The following STAG1 variants were observed in gnomAD, a reference collection of about 807,000 sequenced individuals.
STAG1 encodes the protein cohesin subunit SA-1.
Under a neutral mutation model 170.9 loss-of-function variants are expected in STAG1, and 26 were observed. The observed-to-expected ratio is 0.15, with a 90% CI of 0.11 to 0.21. The LOEUF is 0.21. Among genes scored for constraint, STAG1 ranks in the 10% least tolerant of loss-of-function variants. STAG1 has a pLI of 1.00. For synonymous variants in STAG1, 514 were observed against 497.7 expected (o/e 1.03, Z -0.44); for missense variants, 964 against 1,509.5 (o/e 0.64, Z 5.99).
intron 4 of STAG1, among the ~76,000 whole-genome samples, chr3:136,579,121 C>CTATA: frequency 6.6e-6 from 1 of 152,286 alleles, no homozygotes; most frequent in South Asian, 2.1e-4. Context: ...TGACTATGGA[C>CTATA]TATAATAAAC....
At chr3:136,423,140 A>T (rs960574140) in intron 16 of STAG1, 96 bp from the exon 17 acceptor site, 6 of 743,836 alleles carry the variant, frequency 8.1e-6, no homozygotes, top group Non-Finnish European at 1.2e-5. Context: ...TAATATAACC[A>T]CAAATTTTAA....
chr3:136,617,761 G>A (rs778460082), intron 3 of STAG1, among the ~76,000 whole-genome samples: 2 of 152,030 alleles, frequency 1.3e-5, no homozygotes, highest in African/African-American at 4.8e-5. Context: ...CTATCACAAC[G>A]CTGGGTCAAA....
At chr3:136,643,147 G>A (rs1940867243) in intron 1 of STAG1, among the ~76,000 whole-genome samples, 2 of 152,122 alleles carry the variant, frequency 1.3e-5, no homozygotes, top group Non-Finnish European at 2.9e-5. Context: ...TCTATTTGGG[G>A]GACACAAATC....
Position 136,486,999 on chromosome 3 carries a change from C to CAAAAAAAAA in STAG1, c.903-9596_903-9588dup, listed in dbSNP as rs536392595. On this transcript the variant is annotated intron_variant, in intron 9 of 33. Coordinates refer to ENST00000383202, the MANE Select transcript of STAG1 (RefSeq NM_005862.3). ...CAATGCCGATTTTTTTTTATTTCTT[C>CAAAAAAAAA]AAAAAAAAAAAAAAAAAAAAAAAAA... is the stretch of plus-strand genomic sequence containing the variant. 1.3e-4 allele frequency among the ~76,000 whole-genome samples: 7 copies of CAAAAAAAAA among 54,662 alleles called. 1 individual carries two copies. The highest frequency in any genetic ancestry group is 5.5e-4 in the African/African-American group (6 of 10,888). 35.9% of individuals were successfully genotyped at this position (54,662 alleles called of 152,430 possible).
At chr3:136,466,951 G>C (rs1180506840) in intron 12 of STAG1, among the ~76,000 whole-genome samples, 1 of 152,124 alleles carries the variant, frequency 6.6e-6, no homozygotes, top group Non-Finnish European at 1.5e-5. Flanking sequence ...ACAAACAAAT[G>C]CTAAGAGATT....
intron 4 of STAG1, among the ~76,000 whole-genome samples, chr3:136,580,957 C>T (rs1393809861): frequency 6.6e-6 from 1 of 151,656 alleles, no homozygotes; most frequent in Non-Finnish European, 1.5e-5. Context: ...TTGTGCTTTT[C>T]TTTTTTTTCA....
intron 15 of STAG1, among the ~76,000 whole-genome samples, chr3:136,436,283 T>A (rs2107751148): frequency 6.6e-6 from 1 of 151,360 alleles, no homozygotes; most frequent in Non-Finnish European, 1.5e-5. Context: ...TAAACTCAGA[T>A]ATTTTTGGTT....
chr3:136,396,520 C>CTTT lies in STAG1; in HGVS notation c.2277+2226_2277+2228dup, dbSNP rs146270857. ...ACAGGCGTGAGCCACCGCGCCTGGCCTTTTTTTTTTTTTTTTTTTTTTTTT... is the reference window on the plus strand; with the variant it reads ...ACAGGCGTGAGCCACCGCGCCTGGCCTTTTTTTTTTTTTTTTTTTTTTTTTTTT... On this transcript the variant is annotated intron_variant, in intron 22 of 33. Coordinates refer to ENST00000383202, the MANE Select transcript of STAG1 (RefSeq NM_005862.3). Among the ~76,000 whole-genome samples the CTTT allele has an allele frequency of 4.1e-3, 181 of 43,656 alleles. 37 individuals carry two copies. The highest frequency in any genetic ancestry group is 0.012 in the African/African-American group (104 of 8,642). 28.6% of individuals were successfully genotyped at this position (43,656 alleles called of 152,430 possible).
chr3:136,693,308 G>A (rs577711384), intron 1 of STAG1, among the ~76,000 whole-genome samples: 118 of 152,258 alleles, frequency 7.7e-4, no homozygotes, highest in Non-Finnish European at 9.3e-4. Flanking sequence ...TGGGGCTGAG[G>A]ACCAATATGG....
intron 21 of STAG1, among the ~76,000 whole-genome samples, chr3:136,412,892 T>G (rs1249270568): frequency 6.6e-6 from 1 of 151,248 alleles, no homozygotes; most frequent in East Asian, 1.9e-4. Flanking sequence ...GACCGAATCT[T>G]GTTCTATCAC....
At chr3:136,632,878 T>C (rs1940386478) in intron 1 of STAG1, among the ~76,000 whole-genome samples, 1 of 152,094 alleles carries the variant, frequency 6.6e-6, no homozygotes, top group Non-Finnish European at 1.5e-5. Context: ...TATCTGCAAA[T>C]ACCCACAGAG....
intron 5 of STAG1, among the ~76,000 whole-genome samples, chr3:136,557,412 C>T (rs1000850151): frequency 3.3e-5 from 5 of 152,048 alleles, no homozygotes; most frequent in African/African-American, 4.8e-5. Context: ...GTCTAGATGA[C>T]GTAAAAACCT....
At chr3:136,454,467 C>T (rs2089047100) in intron 13 of STAG1, among the ~76,000 whole-genome samples, 1 of 152,102 alleles carries the variant, frequency 6.6e-6, no homozygotes, top group African/African-American at 2.4e-5. Flanking sequence ...CAACCTCCGC[C>T]TCCTGGGCTC....
At chr3:136,628,510 G>T (rs113606471) in intron 2 of STAG1, among the ~76,000 whole-genome samples, 177 of 152,078 alleles carry the variant, frequency 1.2e-3, no homozygotes, top group African/African-American at 2.5e-3. Context: ...CAAACATATC[G>T]CAGGGTCCTT....
chr3:136,605,807 C>T (rs1416588707), intron 3 of STAG1, among the ~76,000 whole-genome samples: 1 of 152,162 alleles, frequency 6.6e-6, no homozygotes, highest in Non-Finnish European at 1.5e-5. Flanking sequence ...CCATCTGCTG[C>T]AGTATTAGGC....
chr3:136,418,126 G>C (rs1347369038), intron 20 of STAG1, among the ~76,000 whole-genome samples, 154 bp from the exon 21 acceptor site: 2 of 152,052 alleles, frequency 1.3e-5, no homozygotes, highest in African/African-American at 4.8e-5. Flanking sequence ...GGCCGCGGCT[G>C]GCAAATCACT....
intron 1 of STAG1, among the ~76,000 whole-genome samples, chr3:136,747,144 G>A (rs111986204): frequency 1.5e-4 from 22 of 145,302 alleles, no homozygotes; most frequent in Non-Finnish European, 2.8e-4. Context: ...ATGGTGGTGC[G>A]TGCCTGCATT....
intron 16 of STAG1, among the ~76,000 whole-genome samples, chr3:136,431,358 T>C (rs113200515): frequency 1.2e-3 from 176 of 152,170 alleles, no homozygotes; most frequent in African/African-American, 2.5e-3. Context: ...CCACAACCTC[T>C]GCCTCCCGGG....
At chr3:136,595,625 C>G (rs919163769) in intron 4 of STAG1, among the ~76,000 whole-genome samples, 3 of 151,330 alleles carry the variant, frequency 2.0e-5, no homozygotes, top group South Asian at 4.2e-4. Flanking sequence ...TGTAGTGAGC[C>G]GAGACCGCAC....
Sources: allele counts gnomAD v4.1 joint callset (sites outside exome capture counted in the v4.1 genomes callset), GRCh38; gene constraint gnomAD v4.1.1; transcripts MANE v1.5; gene names NCBI Gene and HGNC (gene_info 2026-07-23, HGNC 2026-07-21).